The following CLVS1 variants were observed in gnomAD, a reference collection of about 807,000 sequenced individuals.
The protein encoded by CLVS1 is clavesin 1.
CLVS1 carries 10 observed loss-of-function variants against 33.1 expected under a neutral mutation model. The ratio of observed to expected loss-of-function variants is 0.30; its 90% CI spans 0.19 to 0.51. The LOEUF is 0.51. CLVS1 is among the 20% of genes least tolerant of loss of function. CLVS1 has a pLI of 0.97. For synonymous variants in CLVS1, 163 were observed against 166.1 expected, an observed-to-expected ratio of 0.98 and a Z score of 0.14; for missense variants, 343 against 433.4, an observed-to-expected ratio of 0.79 and a Z score of 1.85.
At chr8:61,186,283 T>A (rs1300692608) in intron 2 of CLVS1, among the ~76,000 whole-genome samples, 1 of 152,220 alleles carries the variant, frequency 6.6e-6, no homozygotes, top group Non-Finnish European at 1.5e-5. Context: ...AGATTAAAAC[T>A]TTCAGCTGAA....
intron 1 of CLVS1, among the ~76,000 whole-genome samples, chr8:61,079,981 G>A (rs1804992438): frequency 6.6e-6 from 1 of 152,230 alleles, no homozygotes; most frequent in Non-Finnish European, 1.5e-5. Flanking sequence ...TTGAAGCTGT[G>A]TTGTTTCTAA....
chr8:61,445,500 C>T (rs966623249), intron 3 of CLVS1, among the ~76,000 whole-genome samples: 1 of 152,174 alleles, frequency 6.6e-6, no homozygotes, highest in Non-Finnish European at 1.5e-5. Context: ...TACCTGCTCC[C>T]CTTCACCTTC....
rs537188373 is a variant in CLVS1, at chr8:61,329,728, ATTAT to A, written c.455+29451_455+29454del. ...TTTATATTATGATCACTTTGTAAAT[ATTAT>A]TTATAGTTGAGTCACATTAAAAAAC... On this transcript the variant is annotated intron_variant, in intron 2 of 5. Coordinates refer to ENST00000325897, the MANE Select transcript of CLVS1 (RefSeq NM_173519.3). 5.1e-4 allele frequency among the ~76,000 whole-genome samples: 78 copies of A among 152,352 alleles called. 1 individual carries two copies. Among genetic ancestry groups the A allele is most frequent in the Admixed American group, 3.1e-3 (48 of 15,298 alleles).
At chr8:61,365,384 G>C (rs1159906326) in intron 2 of CLVS1, among the ~76,000 whole-genome samples, 1 of 152,088 alleles carries the variant, frequency 6.6e-6, no homozygotes. Context: ...AAAATTAGCT[G>C]GGTGTGGTGG....
At chr8:61,361,834 C>T (rs1170449316) in intron 2 of CLVS1, among the ~76,000 whole-genome samples, 2 of 152,104 alleles carry the variant, frequency 1.3e-5, no homozygotes, top group Non-Finnish European at 2.9e-5. Context: ...CTTAAAATGA[C>T]AGTAAAGACT....
intron 2 of CLVS1, among the ~76,000 whole-genome samples, chr8:61,225,475 T>A (rs888615631): frequency 1.3e-5 from 2 of 152,246 alleles, no homozygotes; most frequent in African/African-American, 4.8e-5. Flanking sequence ...AGTGTGATTA[T>A]TTGCAGCCTT....
upstream of CLVS1, among the ~76,000 whole-genome samples, chr8:61,286,341 C>T (rs2919307): frequency 0.27 from 40,739 of 152,136 alleles, 6,674 homozygotes; most frequent in Non-Finnish European, 0.35. Flanking sequence ...TAATCTGCTC[C>T]AGTGGTTATC....
chr8:61,311,152 C>T (rs1334143042), intron 2 of CLVS1, among the ~76,000 whole-genome samples: 7 of 152,094 alleles, frequency 4.6e-5, no homozygotes, highest in Non-Finnish European at 7.3e-5. Context: ...TGATAAAATA[C>T]AATATGTCTC....
chr8:61,417,092 A>G (rs1459107022), intron 3 of CLVS1, among the ~76,000 whole-genome samples: 3 of 152,300 alleles, frequency 2.0e-5, no homozygotes, highest in Admixed American at 2.0e-4. Flanking sequence ...ACAGAGAATG[A>G]CAAAAGAGAT....
intron 3 of CLVS1, among the ~76,000 whole-genome samples, chr8:61,382,355 A>G (rs760086755): frequency 3.3e-5 from 5 of 152,198 alleles, no homozygotes; most frequent in Non-Finnish European, 7.3e-5. Context: ...TGGGTCAGCT[A>G]GTCTTCTAAA....
chr8:61,437,593 C>G (rs1010431723), intron 3 of CLVS1, among the ~76,000 whole-genome samples: 1 of 152,104 alleles, frequency 6.6e-6, no homozygotes, highest in African/African-American at 2.4e-5. Context: ...TAAGGCAGGA[C>G]CAATATGGAG....
chr8:61,277,632 T>TG lies in CLVS1; in HGVS notation c.-151-22038dup, dbSNP rs1025614790. On this transcript the variant is annotated intron_variant, in intron 2 of 2. Transcript: ENST00000522621. ...TCATTTGTTCTTCCCAACAAATGCT[T>TG]GGGGGGGTAGGGAAGAAATAAAGTT... Among the ~76,000 whole-genome samples the TG allele has an allele frequency of 2.0e-4, 31 of 152,032 alleles. No homozygotes were observed. The Middle Eastern group carries it at 0.014, about 67-fold the overall frequency.
chr8:61,449,512 C>T (rs1362416937), intron 3 of CLVS1, among the ~76,000 whole-genome samples: 1 of 152,118 alleles, frequency 6.6e-6, no homozygotes, highest in Non-Finnish European at 1.5e-5. Context: ...ATCAGGCTGC[C>T]CACTCAGACT....
chr8:61,228,992 A>G (rs1003531107), intron 2 of CLVS1, among the ~76,000 whole-genome samples: 1 of 152,160 alleles, frequency 6.6e-6, no homozygotes, highest in South Asian at 2.1e-4. Flanking sequence ...AGCTATAGTA[A>G]TTTACATTTC....
intron 3 of CLVS1, among the ~76,000 whole-genome samples, chr8:61,401,993 T>G (rs1814783632): frequency 6.6e-6 from 1 of 152,124 alleles, no homozygotes; most frequent in Admixed American, 6.5e-5. Context: ...CCTCTTCAAG[T>G]AGAGTAAATT....
chr8:61,051,155 A>G, the CLVS1 span, among the ~76,000 whole-genome samples: 1 of 152,198 alleles, frequency 6.6e-6, no homozygotes, highest in Non-Finnish European at 1.5e-5. Flanking sequence ...TAAAGCACCC[A>G]GGCCTGGTCT....
intron 3 of CLVS1, 186 bp downstream of exon 3, chr8:61,376,965 C>T: frequency 1.9e-6 from 1 of 528,658 alleles, no homozygotes. Flanking sequence ...CTTTCATTTT[C>T]ATTAATAACT....
intron 1 of CLVS1, among the ~76,000 whole-genome samples, chr8:61,106,039 T>C (rs562671763): frequency 6.6e-6 from 1 of 152,354 alleles, no homozygotes; most frequent in East Asian, 1.9e-4. Context: ...CTACAGCATG[T>C]TTCCTATCAT....
intron 2 of CLVS1, among the ~76,000 whole-genome samples, chr8:61,183,581 C>A (rs1167041026): frequency 6.6e-6 from 1 of 151,992 alleles, no homozygotes; most frequent in African/African-American, 2.4e-5. Context: ...GTTTGTTATG[C>A]AGCAAGTCCT....
Sources: gnomAD v4.1 joint callset for allele counts (sites outside exome capture counted in the v4.1 genomes callset) on GRCh38, gnomAD v4.1.1 for gene constraint, MANE v1.5 for transcripts, NCBI Gene and HGNC (gene_info 2026-07-23, HGNC 2026-07-21) for gene names.